Variants in PCCA observed in about 807,000 individuals in gnomAD.
PCCA encodes the protein propionyl-CoA carboxylase subunit alpha.
A neutral mutation model predicts 101.3 loss-of-function variants in PCCA; 74 were observed. The ratio of observed to expected loss-of-function variants is 0.73; its 90% confidence interval spans 0.61 to 0.89. The LOEUF (loss-of-function observed/expected upper bound fraction) is 0.89. PCCA is among the 40% of genes least tolerant of loss of function. The probability of loss-of-function intolerance (pLI) is 0.00; values close to 1 mark genes in which losing one functional copy is unlikely to be tolerated. For synonymous variants in PCCA, 294 were observed against 313.6 expected, an observed-to-expected ratio of 0.94 and a Z score of 0.66; for missense variants, 891 against 907.0, an observed-to-expected ratio of 0.98 and a Z score of 0.23.
At position 100,137,434 on chromosome 13, in the gene PCCA, A is replaced by T. The variant is rs78472550; in HGVS notation, c.301-17545A>T. ...TTCTACTACTTGTCTTTCTTTTGAG[A>T]GTCTTGATGTTTCCAACGATGACTG... On this transcript the variant is annotated intron_variant, in intron 4 of 23. Transcript: ENST00000376285. Among the ~76,000 whole-genome samples, 218 of 152,156 alleles carry T rather than the reference A, an allele frequency of 1.4e-3. 5 individuals are homozygous for T. In the East Asian group the frequency reaches 0.039, roughly 27 times the overall value.
At chr13:100,426,609 A>G (rs1055095320) in intron 20 of PCCA, among the ~76,000 whole-genome samples, 5 of 152,192 alleles carry the variant, frequency 3.3e-5, no homozygotes, top group Admixed American at 2.6e-4. Flanking sequence ...CACAAAAACT[A>G]TGTGATGACT....
At chr13:100,373,469 A>G (rs2075702801) in intron 19 of PCCA, among the ~76,000 whole-genome samples, 1 of 152,238 alleles carries the variant, frequency 6.6e-6, no homozygotes, top group Admixed American at 6.5e-5. Context: ...AATCTTGAGG[A>G]CATTATGCTA....
At chr13:100,162,535 G>A (rs1044794841) in intron 6 of PCCA, among the ~76,000 whole-genome samples, 5 of 152,202 alleles carry the variant, frequency 3.3e-5, no homozygotes, top group Non-Finnish European at 4.4e-5. Flanking sequence ...TGTTCTTGCT[G>A]TTGGTGGAGG....
In PCCA at chr13:100,512,917, T is replaced by G. The variant is rs9554699; in HGVS notation, c.1900-2510T>G. Among the ~76,000 whole-genome samples, 428 of 152,358 alleles carry G rather than the reference T, an allele frequency of 2.8e-3. 17 individuals are homozygous for G. The East Asian group carries it at 0.055, about 19-fold the overall frequency. On this transcript the variant is annotated intron_variant, in intron 21 of 23. Transcript: ENST00000376285. ...ACATTCCTGAAGTCTCACAAAGCAT[T>G]GGCTCTCTGTGCCCCCAAAGAATCC...
In PCCA at chr13:100,458,425, A is replaced by G. The variant is rs370448982; in HGVS notation, c.1899+9120A>G. Among the ~76,000 whole-genome samples the G allele has an allele frequency of 7.5e-3, 701 of 93,528 alleles. 32 individuals are homozygous for G. The East Asian group carries it at 0.09, about 12-fold the overall frequency. 61.4% of individuals were successfully genotyped at this position (93,528 alleles called of 152,430 possible). A position where few individuals can be genotyped will look rare whatever the true frequency, so the allele number is the denominator to read the frequency against. ...ACAGTGGGACCCCATCTCTGCGCGC[A>G]CACACACACACACATACACACACAC... On this transcript the variant is annotated intron_variant, in intron 21 of 23. Coordinates refer to ENST00000376285, the MANE Select transcript of PCCA (RefSeq NM_000282.4).
intron 21 of PCCA, chr13:100,491,003 C>T (rs1050842376): frequency 9.9e-5 from 15 of 152,248 alleles, no homozygotes; most frequent in East Asian, 1.9e-4. Context: ...GAATTCCTGA[C>T]GCCCTAGGTC....
intron 18 of PCCA, among the ~76,000 whole-genome samples, chr13:100,343,459 C>T (rs1376609388): frequency 3.9e-5 from 6 of 152,312 alleles, no homozygotes; most frequent in South Asian, 2.1e-4. Flanking sequence ...TAAACAGCTA[C>T]ATTCACTAAT....
At chr13:100,182,051 TG>T (rs1004545112) in intron 6 of PCCA, among the ~76,000 whole-genome samples, 20 of 151,256 alleles carry the variant, frequency 1.3e-4, no homozygotes, top group Non-Finnish European at 2.4e-4. Flanking sequence ...GTATTAGATT[TG>T]GGGACTGAAA....
chr13:100,467,949 C>T (rs998940790), intron 21 of PCCA, among the ~76,000 whole-genome samples: 5 of 152,164 alleles, frequency 3.3e-5, no homozygotes, highest in African/African-American at 1.2e-4. Context: ...CAGCTGTAGT[C>T]TTCCAAATGT....
chr13:100,399,082 C>T (rs1443981691), intron 19 of PCCA, among the ~76,000 whole-genome samples: 25 of 152,024 alleles, frequency 1.6e-4, no homozygotes, highest in Admixed American at 1.5e-3. Context: ...GTTAAATATG[C>T]TTTGCCTATT....
intron 22 of PCCA, among the ~76,000 whole-genome samples, chr13:100,524,385 G>GTGTGTC (rs1225997288): frequency 1.8e-4 from 27 of 150,164 alleles, no homozygotes; most frequent in African/African-American, 6.6e-4. Context: ...GTGTGTGTGT[G>GTGTGTC]TGTGTGTGTG....
At chr13:100,287,765 C>T (rs568445291) in intron 12 of PCCA, among the ~76,000 whole-genome samples, 1 of 152,066 alleles carries the variant, frequency 6.6e-6, no homozygotes, top group Non-Finnish European at 1.5e-5. Flanking sequence ...CTTACCATAG[C>T]TTCATGATTA....
chr13:100,284,974 T>C (rs867775218), intron 12 of PCCA, among the ~76,000 whole-genome samples: 2 of 152,208 alleles, frequency 1.3e-5, no homozygotes, highest in Admixed American at 1.3e-4. Context: ...CAGGCTACTC[T>C]AGATCTCTTG....
intron 8 of PCCA, among the ~76,000 whole-genome samples, chr13:100,246,718 G>A (rs7333362): frequency 4.6e-5 from 7 of 151,868 alleles, no homozygotes; most frequent in African/African-American, 1.7e-4. Flanking sequence ...AGAGTATCAT[G>A]TTTTTCATTT....
chr13:100,143,133 G>A (rs1358822756), intron 4 of PCCA, among the ~76,000 whole-genome samples: 1 of 152,116 alleles, frequency 6.6e-6, no homozygotes, highest in Non-Finnish European at 1.5e-5. Context: ...TGTAAACTAA[G>A]TCCCTAAAGA....
At chr13:100,203,628 G>A (rs1452614480) in intron 6 of PCCA, among the ~76,000 whole-genome samples, 2 of 152,162 alleles carry the variant, frequency 1.3e-5, no homozygotes, top group Non-Finnish European at 2.9e-5. Context: ...AAGAGGCGGA[G>A]ATTGCAATGA....
At chr13:100,512,814 G>C (rs2086578986) in intron 21 of PCCA, among the ~76,000 whole-genome samples, 1 of 152,180 alleles carries the variant, frequency 6.6e-6, no homozygotes, top group South Asian at 2.1e-4. Context: ...CTCTCTAAGG[G>C]AGTTTCGCAC....
chr13:100,390,401 C>A (rs1320451743), intron 19 of PCCA, among the ~76,000 whole-genome samples: 9 of 152,118 alleles, frequency 5.9e-5, no homozygotes, highest in African/African-American at 2.2e-4. Context: ...TGGGTCATTG[C>A]ATGTGAGGTT....
At chr13:100,387,409 A>G (rs1252391762) in intron 19 of PCCA, among the ~76,000 whole-genome samples, 1 of 152,242 alleles carries the variant, frequency 6.6e-6, no homozygotes, top group Non-Finnish European at 1.5e-5. Context: ...GTTCACTCCA[A>G]AAGTTTTGCT....
Sources: allele counts gnomAD v4.1 joint callset (sites outside exome capture counted in the v4.1 genomes callset), GRCh38; gene constraint gnomAD v4.1.1; transcripts MANE v1.5; gene names NCBI Gene and HGNC (gene_info 2026-07-23, HGNC 2026-07-21).